The following RBFOX1 variants were observed in gnomAD, a reference collection of about 807,000 sequenced individuals.
RBFOX1 encodes RNA binding fox-1 homolog 1, also known as RNA binding protein fox-1 homolog 1.
RBFOX1 carries 8 observed loss-of-function variants against 57.7 expected under a neutral mutation model. That is an observed-to-expected ratio of 0.14 (90% CI 0.08 to 0.25). The LOEUF is 0.25. Among genes scored for constraint, RBFOX1 ranks in the 10% least tolerant of loss-of-function variants. RBFOX1 has a pLI of 1.00. For synonymous variants in RBFOX1, 326 were observed against 222.4 expected (o/e 1.47, Z -4.15); for missense variants, 611 against 548.5 (o/e 1.11, Z -1.14).
chr16:7,288,857 C>T (rs1345284923), intron 4 of RBFOX1, among the ~76,000 whole-genome samples: 2 of 152,136 alleles, frequency 1.3e-5, no homozygotes, highest in African/African-American at 4.8e-5. Context: ...TTTGTTGTTA[C>T]TTTTTACAGT....
intron 1 of RBFOX1, among the ~76,000 whole-genome samples, chr16:6,110,602 C>A (rs1181084138): frequency 6.6e-6 from 1 of 152,146 alleles, no homozygotes; most frequent in Non-Finnish European, 1.5e-5. Flanking sequence ...TGAAATCAAT[C>A]TGCCCTAACA....
chr16:6,039,094 G>A (rs1317843942), intron 1 of RBFOX1: 1 of 150,340 alleles, frequency 6.7e-6, no homozygotes, highest in Non-Finnish European at 1.5e-5. Context: ...ACCAAACTGT[G>A]TGCATAGCGG....
intron 1 of RBFOX1, among the ~76,000 whole-genome samples, chr16:6,154,758 G>A (rs1206688627): frequency 6.6e-6 from 1 of 152,184 alleles, no homozygotes; most frequent in Non-Finnish European, 1.5e-5. Context: ...ATGTCTGGAA[G>A]GTAAACGTCT....
At chr16:6,868,850 C>A (rs529657542) in intron 3 of RBFOX1, among the ~76,000 whole-genome samples, 1 of 152,160 alleles carries the variant, frequency 6.6e-6, no homozygotes, top group East Asian at 1.9e-4. Context: ...CTTACTTTGA[C>A]TAATGAAATA....
chr16:7,125,121 G>C (rs1275612915), intron 4 of RBFOX1, among the ~76,000 whole-genome samples: 1 of 152,082 alleles, frequency 6.6e-6, no homozygotes, highest in African/African-American at 2.4e-5. Flanking sequence ...AATATGAGAG[G>C]TTTCTTTTGC....
chr16:5,770,502 ATTAAGGAG>A (rs1227365026), intron 3 of RBFOX1, among the ~76,000 whole-genome samples: 1 of 152,192 alleles, frequency 6.6e-6, no homozygotes, highest in Non-Finnish European at 1.5e-5. Context: ...TTAGCATATA[ATTAAGGAG>A]TTGTTATAAA....
chr16:6,769,980 C>T (rs191912533), intron 3 of RBFOX1, among the ~76,000 whole-genome samples: 91 of 152,156 alleles, frequency 6.0e-4, no homozygotes, highest in African/African-American at 2.1e-3. Context: ...GGCTACAGGT[C>T]CTTTATGAGA....
intron 3 of RBFOX1, among the ~76,000 whole-genome samples, chr16:6,833,686 T>C (rs563682097): frequency 6.6e-6 from 1 of 152,226 alleles, no homozygotes; most frequent in Admixed American, 6.5e-5. Flanking sequence ...GGATGCCAAA[T>C]AGACATTTGT....
chr16:5,335,166 A>T (rs1203869070), intron 1 of RBFOX1, among the ~76,000 whole-genome samples: 7 of 151,344 alleles, frequency 4.6e-5, no homozygotes, highest in Non-Finnish European at 1.0e-4. Flanking sequence ...TTTCTTCCGA[A>T]TTGCCAGTTC....
intron 4 of RBFOX1, among the ~76,000 whole-genome samples, chr16:7,319,100 A>C (rs2096496709): frequency 6.6e-6 from 1 of 152,128 alleles, no homozygotes; most frequent in African/African-American, 2.4e-5. Context: ...TCCTAATTTT[A>C]AATCCTTCAG....
At chr16:6,448,196 G>C (rs1366052137) in intron 2 of RBFOX1, among the ~76,000 whole-genome samples, 1 of 102,382 alleles carries the variant, frequency 9.8e-6, no homozygotes, top group Non-Finnish European at 1.8e-5. Flanking sequence ...ATCCTGCTCT[G>C]TTGCCCAGGC....
At chr16:7,563,108 G>A (rs1490200321) in intron 5 of RBFOX1, among the ~76,000 whole-genome samples, 1 of 152,166 alleles carries the variant, frequency 6.6e-6, no homozygotes, top group East Asian at 1.9e-4. Flanking sequence ...CGTAAGATGG[G>A]CACAATATTA....
At chr16:7,604,519 A>G (rs992217778) in intron 9 of RBFOX1, among the ~76,000 whole-genome samples, 1 of 152,218 alleles carries the variant, frequency 6.6e-6, no homozygotes, top group African/African-American at 2.4e-5. Flanking sequence ...TTTTTTATGA[A>G]GAGATTGCCA....
intron 2 of RBFOX1, among the ~76,000 whole-genome samples, chr16:6,488,345 T>C (rs9939225): frequency 0.095 from 14,513 of 152,198 alleles, 895 homozygotes; most frequent in African/African-American, 0.16. Flanking sequence ...GGTCTTCCAT[T>C]TGTATTAAAA....
At chr16:5,240,325 T>C (rs1465026865) in intron 1 of RBFOX1, among the ~76,000 whole-genome samples, 2 of 151,404 alleles carry the variant, frequency 1.3e-5, no homozygotes, top group Non-Finnish European at 2.9e-5. Flanking sequence ...TCCCACGACG[T>C]CCCTGGCCAG....
intron 2 of RBFOX1, among the ~76,000 whole-genome samples, chr16:5,541,378 G>A (rs891220770): frequency 1.3e-5 from 2 of 152,054 alleles, no homozygotes; most frequent in African/African-American, 4.8e-5. Context: ...CATGACATGT[G>A]CCCAAGGTAG....
In RBFOX1 at chr16:6,344,490, C is replaced by T. The variant is rs1047387887; in HGVS notation, c.-64+27433C>T. Among the ~76,000 whole-genome samples, 6 of 142,644 alleles carry T rather than the reference C, an allele frequency of 4.2e-5. No homozygotes were observed. In the East Asian group the frequency reaches 1.2e-3, roughly 29 times the overall value. The allele number at this position is 142,644 out of a possible 152,430, so 93.6% of individuals were successfully genotyped here. A position where few individuals can be genotyped will look rare whatever the true frequency, so the allele number is the denominator to read the frequency against. On this transcript the variant is annotated intron_variant, in intron 2 of 15. Coordinates refer to ENST00000550418, the MANE Select transcript of RBFOX1 (RefSeq NM_018723.4). ...TCAGCGCACTGCATGCTCTGCCTCC[C>T]GGGTTCACGCCATTCTCCTGCCTCA...
intron 2 of RBFOX1, among the ~76,000 whole-genome samples, chr16:6,369,559 A>G (rs2090140171): frequency 6.6e-6 from 1 of 152,196 alleles, no homozygotes; most frequent in African/African-American, 2.4e-5. Flanking sequence ...GGGAGTGAAG[A>G]GATCTTTCCA....
At chr16:5,645,780 C>G (rs1397447071) in intron 3 of RBFOX1, among the ~76,000 whole-genome samples, 1 of 152,194 alleles carries the variant, frequency 6.6e-6, no homozygotes, top group Non-Finnish European at 1.5e-5. Flanking sequence ...ATCCTTCTGC[C>G]TCAGCTTCTT....
Sources: allele counts gnomAD v4.1 joint callset (sites outside exome capture counted in the v4.1 genomes callset), GRCh38; gene constraint gnomAD v4.1.1; transcripts MANE v1.5; gene names NCBI Gene and HGNC (gene_info 2026-07-23, HGNC 2026-07-21).